The following DKK2 variants were observed in gnomAD, a reference collection of about 807,000 sequenced individuals.
DKK2 encodes the protein dickkopf-related protein 2.
DKK2 carries 11 observed loss-of-function variants against 28.1 expected under a neutral mutation model. The observed-to-expected ratio is 0.39, with a 90% CI of 0.25 to 0.65. The LOEUF (loss-of-function observed/expected upper bound fraction) is 0.65, where lower values mean the gene tolerates loss of function less well. Ranked by LOEUF, DKK2 falls within the 30% of genes least tolerant of loss-of-function variation. DKK2 has a pLI of 0.47. For missense variants in DKK2, 326 were observed against 335.5 expected (o/e 0.97, Z 0.22); for synonymous variants, 135 against 126.5 (o/e 1.07, Z -0.45).
chr4:107,023,185 G>T (rs901043561), intron 1 of DKK2, among the ~76,000 whole-genome samples: 1 of 151,990 alleles, frequency 6.6e-6, no homozygotes, highest in Non-Finnish European at 1.5e-5. Flanking sequence ...TTATTAGAGA[G>T]TAATAATCAT....
intron 1 of DKK2, among the ~76,000 whole-genome samples, chr4:107,032,244 T>G (rs1723886055): frequency 6.6e-6 from 1 of 152,058 alleles, no homozygotes; most frequent in Non-Finnish European, 1.5e-5. Context: ...TATGTCAGTT[T>G]CCATTATAAC....
rs554324982 is a variant in DKK2 at position 106,985,638 on chromosome 4, G to A, written c.222+49732C>T. 4.6e-5 allele frequency among the ~76,000 whole-genome samples: 7 copies of A among 151,322 alleles called. No homozygotes were observed. In the East Asian group the frequency reaches 9.8e-4, roughly 21 times the overall value. ...ATCCTGGCCAACATGGTGAGACCTC[G>A]TTTCTACTAAAAATACAAAAATTAG... On this transcript the variant is annotated intron_variant, in intron 1 of 3. Transcript: ENST00000285311.
rs187854684 is a variant in DKK2 at position 107,006,390 on chromosome 4, C to G, written c.222+28980G>C. Among the ~76,000 whole-genome samples the G allele has an allele frequency of 4.9e-4, 74 of 152,080 alleles. 1 individual carries two copies. Among genetic ancestry groups the G allele is most frequent in the Middle Eastern group, 3.4e-3 (1 of 294 alleles). On this transcript the variant is annotated intron_variant, in intron 1 of 3. Coordinates refer to ENST00000285311, the MANE Select transcript of DKK2 (RefSeq NM_014421.3). ...ATTTTTCTATAAACCTAACTAAACC[C>G]CAGGGAGGAAGTCCTCCCTGGTCTC...
At chr4:106,932,706 C>G (rs1027871351) in intron 1 of DKK2, among the ~76,000 whole-genome samples, 1 of 152,092 alleles carries the variant, frequency 6.6e-6, no homozygotes, top group African/African-American at 2.4e-5. Flanking sequence ...ATAAAGTACT[C>G]TATAATTTGT....
intron 1 of DKK2, among the ~76,000 whole-genome samples, chr4:107,032,397 T>G (rs936801343): frequency 6.6e-6 from 1 of 152,082 alleles, no homozygotes; most frequent in African/African-American, 2.4e-5. Context: ...ACCTTGCCTA[T>G]GGAACAAGTA....
chr4:107,010,636 T>C (rs537933507), intron 1 of DKK2, among the ~76,000 whole-genome samples: 116 of 151,646 alleles, frequency 7.6e-4, no homozygotes, highest in Non-Finnish European at 1.4e-3. Context: ...TGCCTTCCTT[T>C]TACTTCTGTA....
intron 1 of DKK2, among the ~76,000 whole-genome samples, chr4:107,004,544 C>T (rs1484035600): frequency 6.6e-6 from 1 of 152,188 alleles, no homozygotes; most frequent in Non-Finnish European, 1.5e-5. Context: ...AAATTTGCCT[C>T]ACTATGCAAT....
chr4:106,993,624 T>C (rs1195456003), intron 1 of DKK2, among the ~76,000 whole-genome samples: 1 of 152,086 alleles, frequency 6.6e-6, no homozygotes, highest in Non-Finnish European at 1.5e-5. Context: ...ATAGGCAAAC[T>C]AGATTTCACA....
At chr4:106,949,486 G>A (rs112258566) in intron 1 of DKK2, among the ~76,000 whole-genome samples, 14 of 151,962 alleles carry the variant, frequency 9.2e-5, no homozygotes, top group African/African-American at 3.1e-4. Flanking sequence ...TTTATCTTCT[G>A]CCCATACATC....
intron 1 of DKK2, among the ~76,000 whole-genome samples, chr4:106,967,151 C>T (rs1333837375): frequency 6.6e-6 from 1 of 152,152 alleles, no homozygotes; most frequent in Non-Finnish European, 1.5e-5. Context: ...GGCACCATGT[C>T]AGGCACTGGC....
chr4:106,969,897 G>T (rs1027512850), intron 1 of DKK2, among the ~76,000 whole-genome samples: 22 of 152,142 alleles, frequency 1.4e-4, no homozygotes, highest in African/African-American at 5.1e-4. Context: ...TACTCCAGGG[G>T]CATAAGACCT....
At chr4:106,957,594 T>C (rs1722614558) in intron 1 of DKK2, among the ~76,000 whole-genome samples, 1 of 151,552 alleles carries the variant, frequency 6.6e-6, no homozygotes, top group African/African-American at 2.4e-5. Flanking sequence ...TGAGTTCATG[T>C]CCTTTGTAAG....
intron 1 of DKK2, among the ~76,000 whole-genome samples, chr4:106,952,400 C>A (rs1722471594): frequency 6.6e-6 from 1 of 152,058 alleles, no homozygotes; most frequent in Non-Finnish European, 1.5e-5. Context: ...ACTGATATCA[C>A]CTAGCATGAT....
Position 106,923,703 on chromosome 4 carries a change from C to A in DKK2, c.*251G>T, listed in dbSNP as rs1724382140. 4 of 464,104 alleles carry A rather than the reference C, an allele frequency of 8.6e-6. No homozygotes were observed. Among genetic ancestry groups the A allele is most frequent in the Admixed American group, 7.4e-5 (2 of 27,018 alleles). 28.7% of individuals were successfully genotyped at this position (464,104 alleles called of 1,614,324 possible). A position where few individuals can be genotyped will look rare whatever the true frequency, so the allele number is the denominator to read the frequency against. ...TGTGTGCTTGTTCTCTTAATAATAG[C>A]ATTTTCCACAAATGTGTACATTATT... On this transcript the variant is annotated 3_prime_UTR_variant, in exon 4 of 4. Coordinates refer to ENST00000285311, the MANE Select transcript of DKK2 (RefSeq NM_014421.3).
At chr4:106,932,436 G>T (rs10028834) in intron 1 of DKK2, among the ~76,000 whole-genome samples, 9,402 of 152,156 alleles carry the variant, frequency 0.062, 316 homozygotes, top group Non-Finnish European at 0.074. Flanking sequence ...TGCTCTACTT[G>T]GAACATAGAC....
chr4:106,935,991 G>A (rs1228368734), intron 1 of DKK2, among the ~76,000 whole-genome samples: 1 of 151,956 alleles, frequency 6.6e-6, no homozygotes, highest in East Asian at 1.9e-4. Flanking sequence ...AAGACCAAAA[G>A]TAGATAAAAC....
At chr4:107,021,525 T>C (rs930647370) in intron 1 of DKK2, among the ~76,000 whole-genome samples, 2 of 152,100 alleles carry the variant, frequency 1.3e-5, no homozygotes, top group South Asian at 2.1e-4. Flanking sequence ...TTTCAGCACA[T>C]TTTCTGTTGC....
In DKK2 at chr4:106,991,728, C is replaced by A. The variant is rs139625944; in HGVS notation, c.222+43642G>T. ...GCATACACACATACATGCACACACA[C>A]AAAAAACAGGCATGCATGTATACAC... On this transcript the variant is annotated intron_variant, in intron 1 of 3. Transcript: ENST00000285311. 4.1e-3 allele frequency among the ~76,000 whole-genome samples: 629 copies of A among 152,170 alleles called. 4 individuals carry two copies. Among genetic ancestry groups the A allele is most frequent in the African/African-American group, 0.014 (597 of 41,512 alleles).
chr4:106,963,285 G>A (rs1239262203), intron 1 of DKK2, among the ~76,000 whole-genome samples: 2 of 149,918 alleles, frequency 1.3e-5, no homozygotes, highest in Non-Finnish European at 1.5e-5. Context: ...CCCTGGAGAC[G>A]GAGGTTTCAG....
Sources: allele counts gnomAD v4.1 joint callset (sites outside exome capture counted in the v4.1 genomes callset), GRCh38; gene constraint gnomAD v4.1.1; transcripts MANE v1.5; gene names NCBI Gene and HGNC (gene_info 2026-07-23, HGNC 2026-07-21).